Variants in ATXN10 observed in about 807,000 individuals in gnomAD.
ATXN10 encodes the protein ataxin 10, also known as ataxin-10.
A neutral mutation model predicts 52.9 loss-of-function variants in ATXN10; 28 were observed. The observed-to-expected ratio is 0.53, with a 90% CI of 0.39 to 0.73. The LOEUF (loss-of-function observed/expected upper bound fraction) is 0.73, where lower values mean the gene tolerates loss of function less well. Ranked by LOEUF, ATXN10 falls within the 30% of genes least tolerant of loss-of-function variation. The pLI, the probability that ATXN10 is intolerant of heterozygous loss-of-function variation, is 0.00. For missense variants in ATXN10, 565 were observed against 577.0 expected, an observed-to-expected ratio of 0.98 and a Z score of 0.21; for synonymous variants, 226 against 221.5, an observed-to-expected ratio of 1.02 and a Z score of -0.18.
At chr22:45,740,693 CACA>C in intron 9 of ATXN10, 155 bp downstream of exon 9, 1 of 404,272 alleles carries the variant, frequency 2.5e-6, no homozygotes, top group South Asian at 2.6e-5. Context: ...CACACACACA[CACA>C]CACACACACA....
rs1214986213 is a variant in ATXN10, at chr22:45,783,228, A to G, written c.1174-23731A>G. On this transcript the variant is annotated intron_variant, in intron 9 of 11. Coordinates refer to ENST00000252934, the MANE Select transcript of ATXN10 (RefSeq NM_013236.4). The surrounding 1 kb of genome is among the most constrained non-coding windows in gnomAD (Gnocchi z 5.0). Reference sequence around the variant, plus strand: ...ATGGCAGAATGGCTGGGGAGCATAAATAGTGTGGGTGTGCTGGACAAGGGA... The same window carrying G: ...ATGGCAGAATGGCTGGGGAGCATAAGTAGTGTGGGTGTGCTGGACAAGGGA... Among the ~76,000 whole-genome samples the G allele has an allele frequency of 2.0e-5, 3 of 152,162 alleles. No individual in the cohort carries two copies. Among genetic ancestry groups the G allele is most frequent in the Non-Finnish European group, 4.4e-5 (3 of 68,024 alleles).
intron 10 of ATXN10, among the ~76,000 whole-genome samples, chr22:45,821,376 GCA>G (rs1336249838): frequency 1.4e-5 from 2 of 147,764 alleles, no homozygotes; most frequent in East Asian, 2.0e-4. Context: ...AACGAACCTA[GCA>G]CAGTTTCCTC....
At chr22:45,779,402 A>T (rs1336575487) in intron 9 of ATXN10, among the ~76,000 whole-genome samples, 1 of 152,188 alleles carries the variant, frequency 6.6e-6, no homozygotes, top group Non-Finnish European at 1.5e-5. Flanking sequence ...AATTCAGAAG[A>T]CTATAATTCA....
Position 45,789,779 on chromosome 22 carries a change from G to A in ATXN10, c.1174-17180G>A, listed in dbSNP as rs559945747. Among the ~76,000 whole-genome samples the A allele has an allele frequency of 2.1e-4, 32 of 152,266 alleles. No individual in the cohort carries two copies. The East Asian group carries it at 6.0e-3, about 28-fold the overall frequency. ...AAGCTCAGTTTGTCAGGATTGTCCT[G>A]CTCCCACCTTCATGAGGCTGCTTTG... On this transcript the variant is annotated intron_variant, in intron 9 of 11. Transcript: ENST00000252934. The surrounding 1 kb of genome is among the most constrained non-coding windows in gnomAD (Gnocchi z 4.0).
intron 1 of ATXN10, among the ~76,000 whole-genome samples, chr22:45,680,575 T>C (rs192235780): frequency 3.3e-4 from 50 of 152,180 alleles, no homozygotes; most frequent in African/African-American, 1.2e-3. Flanking sequence ...CTGTGTCACC[T>C]AGGCTGGAGT....
In ATXN10 at chr22:45,822,523, A is replaced by ATTT. The variant is rs763159693; in HGVS notation, c.1237+15524_1237+15526dup. Among the ~76,000 whole-genome samples the ATTT allele has an allele frequency of 2.3e-3, 223 of 96,584 alleles. 1 individual carries two copies. The highest frequency in any genetic ancestry group is 4.9e-3 in the African/African-American group (108 of 22,014). The allele number at this position is 96,584 out of a possible 152,430, so 63.4% of individuals were successfully genotyped here. ...TTGTGATTTTATTTGAATTTCTCCA[A>ATTT]TTTTTTTTTTTTTTTTTTTTTTTTT... On this transcript the variant is annotated intron_variant, in intron 10 of 11. Transcript: ENST00000252934.
chr22:45,707,299 G>A (rs546252296), intron 5 of ATXN10, among the ~76,000 whole-genome samples: 56 of 152,258 alleles, frequency 3.7e-4, no homozygotes, highest in African/African-American at 1.3e-3. Context: ...GCTTCTTGCA[G>A]TGTAATCTTT....
rs766595614 is a variant in ATXN10, at chr22:45,787,361, G to A, written c.1174-19598G>A. 3.3e-5 allele frequency among the ~76,000 whole-genome samples: 5 copies of A among 152,094 alleles called. No homozygotes were observed. Among genetic ancestry groups the A allele is most frequent in the South Asian group, 4.2e-4 (2 of 4,818 alleles). ...CTCATTGACTCCAAAACTGGAGTTC[G>A]GACCTTTTTCCGTCTACCGCTGTGT... On this transcript the variant is annotated intron_variant, in intron 9 of 11. Coordinates refer to ENST00000252934, the MANE Select transcript of ATXN10 (RefSeq NM_013236.4). This position sits in a 1 kb window ranked among gnomAD's most constrained non-coding sequence, Gnocchi z 4.2.
In ATXN10 at chr22:45,690,645, A is replaced by C. The variant is rs557818619; in HGVS notation, c.308+742A>C. Among the ~76,000 whole-genome samples the C allele has an allele frequency of 6.6e-6, 1 of 152,334 alleles. No individual in the cohort carries two copies. The highest frequency in any genetic ancestry group is 2.1e-4 in the South Asian group (1 of 4,830). ...CAAGAAGCATATTTTGTAAATTTAC[A>C]AGATGACCTGTCTTTCCTAAAGATC... is the stretch of plus-strand genomic sequence containing the variant. On this transcript the variant is annotated intron_variant, in intron 2 of 11. Coordinates refer to ENST00000252934, the MANE Select transcript of ATXN10 (RefSeq NM_013236.4). This position sits in a 1 kb window ranked among gnomAD's most constrained non-coding sequence, Gnocchi z 4.5.
intron 9 of ATXN10, among the ~76,000 whole-genome samples, chr22:45,758,970 A>G (rs1048568917): frequency 1.3e-5 from 2 of 152,244 alleles, no homozygotes; most frequent in Non-Finnish European, 2.9e-5. Context: ...AGAGATTTAA[A>G]TCTTTAGAGT....
At chr22:45,736,509 G>C (rs1003375744) in intron 7 of ATXN10, among the ~76,000 whole-genome samples, 1 of 150,572 alleles carries the variant, frequency 6.6e-6, no homozygotes, top group Non-Finnish European at 1.5e-5. Flanking sequence ...TTACAGATAA[G>C]GGCAAGTGAT....
intron 10 of ATXN10, among the ~76,000 whole-genome samples, chr22:45,829,342 T>C (rs943177087): frequency 2.6e-5 from 4 of 152,316 alleles, no homozygotes; most frequent in African/African-American, 7.2e-5. Context: ...ACGTCCACTT[T>C]CATCACTTTT....
In ATXN10 at chr22:45,818,879, C is replaced by G. The variant is rs953148220; in HGVS notation, c.1237+11857C>G. ...GGACCTGCTCCTTAGAGCCAAGCCC[C>G]GTGACTGATGCAGGCTGATGGCAGC... On this transcript the variant is annotated intron_variant, in intron 10 of 11. Transcript: ENST00000252934. The surrounding 1 kb of genome is among the most constrained non-coding windows in gnomAD (Gnocchi z 4.6). 6.6e-6 allele frequency among the ~76,000 whole-genome samples: 1 copy of G among 152,168 alleles called. No individual in the cohort carries two copies. Among genetic ancestry groups the G allele is most frequent in the African/African-American group, 2.4e-5 (1 of 41,438 alleles).
chr22:45,770,111 G>A lies in ATXN10; in HGVS notation c.1173+29573G>A, dbSNP rs1374122595. Among the ~76,000 whole-genome samples the A allele has an allele frequency of 6.6e-6, 1 of 152,188 alleles. No homozygotes were observed. On this transcript the variant is annotated intron_variant, in intron 9 of 11. Coordinates refer to ENST00000252934, the MANE Select transcript of ATXN10 (RefSeq NM_013236.4). This position sits in a 1 kb window ranked among gnomAD's most constrained non-coding sequence, Gnocchi z 4.5. Reference sequence around the variant, plus strand: ...TTATGTGTCAAGCTCTGTGCTTTCTGTATGCCATTTACCTAGGAGAGGTGT... The same window carrying A: ...TTATGTGTCAAGCTCTGTGCTTTCTATATGCCATTTACCTAGGAGAGGTGT...
chr22:45,823,039 G>A lies in ATXN10; in HGVS notation c.1237+16017G>A, dbSNP rs1569078649. ...TCTTTGTTCTTACTTTCCTCATGGT[G>A]TCTTATTATTTCATTGAGGTATAAC... On this transcript the variant is annotated intron_variant, in intron 10 of 11. Transcript: ENST00000252934. This position sits in a 1 kb window ranked among gnomAD's most constrained non-coding sequence, Gnocchi z 4.9. 6.0e-5 allele frequency: 21 copies of A among 352,452 alleles called. No individual in the cohort carries two copies. The highest frequency in any genetic ancestry group is 4.9e-4 in the South Asian group (21 of 43,152). 21.8% of individuals were successfully genotyped at this position (352,452 alleles called of 1,614,324 possible).
intron 9 of ATXN10, among the ~76,000 whole-genome samples, chr22:45,779,379 G>A (rs1927068133): frequency 6.6e-6 from 1 of 152,196 alleles, no homozygotes; most frequent in Non-Finnish European, 1.5e-5. Context: ...GGCATTCTGA[G>A]ACTCCAGAAT....
chr22:45,746,994 G>T (rs368706568), intron 9 of ATXN10, among the ~76,000 whole-genome samples: 1 of 152,174 alleles, frequency 6.6e-6, no homozygotes, highest in East Asian at 1.9e-4. Flanking sequence ...CAATTTTACT[G>T]TAGCAGCCTC....
chr22:45,676,582 C>G (rs911312918), intron 1 of ATXN10: 1 of 151,306 alleles, frequency 6.6e-6, no homozygotes, highest in African/African-American at 2.4e-5. Context: ...CGGGTTCAAG[C>G]GATTCACCTG....
intron 9 of ATXN10, among the ~76,000 whole-genome samples, chr22:45,753,021 A>T (rs373318489): frequency 2.0e-4 from 31 of 152,088 alleles, no homozygotes; most frequent in Non-Finnish European, 7.4e-5. Context: ...GGCGTAAGCT[A>T]CCGTGCCCGG....
Sources: gnomAD v4.1 joint callset for allele counts (sites outside exome capture counted in the v4.1 genomes callset) on GRCh38, gnomAD v4.1.1 for gene constraint, Gnocchi (gnomAD v3.1) non-coding constraint, MANE v1.5 for transcripts, NCBI Gene and HGNC (gene_info 2026-07-23, HGNC 2026-07-21) for gene names.